The following LRP1B variants were observed in gnomAD, a reference collection of about 807,000 sequenced individuals.
The protein encoded by LRP1B is low-density lipoprotein receptor-related protein 1B.
LRP1B carries 217 observed loss-of-function variants against 556.6 expected under a neutral mutation model. That is an observed-to-expected ratio of 0.39 (90% CI 0.35 to 0.44). The LOEUF is 0.44. Ranked by LOEUF, LRP1B falls within the 20% of genes least tolerant of loss-of-function variation. The pLI is 1.00. For missense variants in LRP1B, 5,053 were observed against 5,620.8 expected (o/e 0.90, Z 3.23); for synonymous variants, 2,047 against 1,865.8 (o/e 1.10, Z -2.50).
chr2:141,303,670 G>A (rs531578611), intron 3 of LRP1B, among the ~76,000 whole-genome samples: 155 of 152,204 alleles, frequency 1.0e-3, no homozygotes, highest in African/African-American at 3.4e-3. Flanking sequence ...TTCATCCAAT[G>A]ATAGACACTT....
At chr2:141,693,796 C>T (rs1036722455) in intron 2 of LRP1B, among the ~76,000 whole-genome samples, 3 of 152,022 alleles carry the variant, frequency 2.0e-5, no homozygotes, top group Admixed American at 2.0e-4. Flanking sequence ...TTTAGATTCA[C>T]TCTGCTTTTC....
intron 2 of LRP1B, among the ~76,000 whole-genome samples, chr2:141,541,188 A>T (rs1685247349): frequency 6.6e-6 from 1 of 152,046 alleles, no homozygotes; most frequent in South Asian, 2.1e-4. Flanking sequence ...TTTCTTCAAC[A>T]AACATTTCCA....
chr2:140,288,033 A>G (rs1379380122), intron 84 of LRP1B, among the ~76,000 whole-genome samples: 1 of 151,802 alleles, frequency 6.6e-6, no homozygotes, highest in Non-Finnish European at 1.5e-5. Context: ...TATTTCTGCT[A>G]TTATATATTC....
intron 1 of LRP1B, among the ~76,000 whole-genome samples, chr2:142,030,791 C>A (rs1574613016): frequency 6.6e-6 from 1 of 151,744 alleles, no homozygotes; most frequent in African/African-American, 2.4e-5. Flanking sequence ...AAGGGCAGCC[C>A]TTGGTTATGT....
chr2:141,969,468 T>C (rs908060683), intron 1 of LRP1B, among the ~76,000 whole-genome samples: 1 of 151,672 alleles, frequency 6.6e-6, no homozygotes, highest in African/African-American at 2.4e-5. Flanking sequence ...CTGGTTCTAT[T>C]ATTTCTATTG....
At chr2:140,780,308 C>A (rs886699122) in intron 32 of LRP1B, among the ~76,000 whole-genome samples, 1 of 152,024 alleles carries the variant, frequency 6.6e-6, no homozygotes, top group Non-Finnish European at 1.5e-5. Context: ...AAATTATGAG[C>A]AAAATCAAAA....
intron 1 of LRP1B, among the ~76,000 whole-genome samples, chr2:141,895,351 A>G (rs1699421718): frequency 6.6e-6 from 1 of 152,200 alleles, no homozygotes. Context: ...AGCCATAGAC[A>G]CAAAACCCCT....
chr2:140,337,043 G>A (rs995555458), intron 77 of LRP1B, among the ~76,000 whole-genome samples: 1 of 151,736 alleles, frequency 6.6e-6, no homozygotes, highest in Non-Finnish European at 1.5e-5. Context: ...GTGTGGGTTC[G>A]GAGGAACCAA....
At chr2:140,631,555 T>C (rs1282235895) in intron 41 of LRP1B, among the ~76,000 whole-genome samples, 1 of 152,152 alleles carries the variant, frequency 6.6e-6, no homozygotes. Context: ...TGAATACAGC[T>C]AACGAAAGAA....
At chr2:140,512,495 T>C (rs1249027803) in intron 51 of LRP1B, among the ~76,000 whole-genome samples, 1 of 152,162 alleles carries the variant, frequency 6.6e-6, no homozygotes, top group Non-Finnish European at 1.5e-5. Flanking sequence ...ACTCGGATAA[T>C]AATATTTAAT....
rs192725737 is a variant in LRP1B, at chr2:141,111,844, G to A, written c.1014-49571C>T. ...AGCAGGCGGATCACAAGGAGATCGA[G>A]ACCATCCTGGCTAACATGGTGAAAC... On this transcript the variant is annotated intron_variant, in intron 7 of 90. Coordinates refer to ENST00000389484, the MANE Select transcript of LRP1B (RefSeq NM_018557.3). Among the ~76,000 whole-genome samples the A allele has an allele frequency of 1.2e-4, 19 of 152,054 alleles. No homozygotes were observed. In the East Asian group the frequency reaches 3.1e-3, roughly 25 times the overall value.
intron 86 of LRP1B, among the ~76,000 whole-genome samples, chr2:140,247,472 G>A (rs965999302): frequency 3.3e-5 from 5 of 151,572 alleles, no homozygotes; most frequent in African/African-American, 9.7e-5. Context: ...TGATTTGAGA[G>A]TTATGGAAAA....
At chr2:142,065,191 T>C (rs900450878) in intron 1 of LRP1B, among the ~76,000 whole-genome samples, 1 of 151,532 alleles carries the variant, frequency 6.6e-6, no homozygotes, top group Non-Finnish European at 1.5e-5. Flanking sequence ...CTGTATCAAA[T>C]TACTACAGAC....
intron 41 of LRP1B, among the ~76,000 whole-genome samples, chr2:140,610,094 C>T (rs1442698394): frequency 6.6e-6 from 1 of 151,666 alleles, no homozygotes; most frequent in Non-Finnish European, 1.5e-5. Context: ...CTTTTTCTTC[C>T]CCGGGTCTGA....
At chr2:141,444,950 T>C (rs1293356688) in intron 3 of LRP1B, among the ~76,000 whole-genome samples, 1 of 152,188 alleles carries the variant, frequency 6.6e-6, no homozygotes, top group Non-Finnish European at 1.5e-5. Context: ...ATAAAATGAG[T>C]TAGGGAGGAG....
chr2:140,267,183 TATTA>T (rs1317507141), intron 86 of LRP1B, among the ~76,000 whole-genome samples: 9 of 152,112 alleles, frequency 5.9e-5, no homozygotes, highest in Non-Finnish European at 7.4e-5. Context: ...TTTTAGCTGC[TATTA>T]ATTAATTGTC....
At chr2:141,279,421 A>G (rs1427617422) in intron 3 of LRP1B, among the ~76,000 whole-genome samples, 1 of 152,130 alleles carries the variant, frequency 6.6e-6, no homozygotes, top group African/African-American at 2.4e-5. Context: ...AAAGATTGGT[A>G]CTGTAGAAGT....
At chr2:141,473,108 A>G (rs534232607) in intron 3 of LRP1B, among the ~76,000 whole-genome samples, 8 of 152,292 alleles carry the variant, frequency 5.3e-5, no homozygotes, top group African/African-American at 1.9e-4. Context: ...AAGTCTCTTT[A>G]GCAGTATTAA....
chr2:141,078,972 A>T (rs1699859231), intron 7 of LRP1B, among the ~76,000 whole-genome samples: 1 of 152,182 alleles, frequency 6.6e-6, no homozygotes, highest in South Asian at 2.1e-4. Flanking sequence ...TTTGCCCAGG[A>T]TCATGCTGAT....
Sources: gnomAD v4.1 joint callset for allele counts (sites outside exome capture counted in the v4.1 genomes callset) on GRCh38, gnomAD v4.1.1 for gene constraint, MANE v1.5 for transcripts, NCBI Gene and HGNC (gene_info 2026-07-23, HGNC 2026-07-21) for gene names.